The following TENM2 variants were observed in gnomAD, a reference collection of about 807,000 sequenced individuals.
The protein encoded by TENM2 is teneurin transmembrane protein 2.
A neutral mutation model predicts 245.2 loss-of-function variants in TENM2; 52 were observed. The ratio of observed to expected loss-of-function variants is 0.21; its 90% CI spans 0.17 to 0.27. The LOEUF (loss-of-function observed/expected upper bound fraction) is 0.27. Ranked by LOEUF, TENM2 falls within the 10% of genes least tolerant of loss-of-function variation. TENM2 has a pLI of 1.00. For synonymous variants in TENM2, 1,363 were observed against 1,438.9 expected, an observed-to-expected ratio of 0.95 and a Z score of 1.19; for missense variants, 3,046 against 3,666.8, an observed-to-expected ratio of 0.83 and a Z score of 4.37.
At chr5:167,228,493 C>A in the TENM2 span, among the ~76,000 whole-genome samples, 3 of 151,660 alleles carry the variant, frequency 2.0e-5, no homozygotes, top group Non-Finnish European at 4.4e-5. Context: ...TCTGTGATTT[C>A]TTTGTATTGT....
At position 168,215,021 on chromosome 5, in the gene TENM2, T is replaced by C. The variant is rs1478588426; in HGVS notation, c.3846-19T>C. 6.2e-7 allele frequency: 1 copy of C among 1,611,116 alleles called. No individual in the cohort carries two copies. Reference sequence around the variant, plus strand: ...CCATAGCCCCCTCCTCATTTCTCTTTGTGCTTCTTCTACTAAAGCAACAAC... The same window carrying C: ...CCATAGCCCCCTCCTCATTTCTCTTCGTGCTTCTTCTACTAAAGCAACAAC... On this transcript the variant is annotated intron_variant, in intron 20 of 28. Transcript: ENST00000518659.
At chr5:168,125,574 C>T (rs1795788609) in intron 11 of TENM2, among the ~76,000 whole-genome samples, 1 of 152,106 alleles carries the variant, frequency 6.6e-6, no homozygotes, top group Admixed American at 6.5e-5. Flanking sequence ...AAGCCAGTCC[C>T]AACCTTCCTG....
chr5:167,484,394 C>T (rs1409619772), intron 2 of TENM2, among the ~76,000 whole-genome samples: 3 of 151,998 alleles, frequency 2.0e-5, no homozygotes, highest in Non-Finnish European at 4.4e-5. Context: ...TAATCTTGGG[C>T]ACAGCGCTGT....
In TENM2 at chr5:167,574,954, A is replaced by G. The variant is rs563410465; in HGVS notation, c.502+199481A>G. ...AGGCTCATATCTATTTTAACATTGA[A>G]CAAACACAAAATGCATGATCTCCCA... is the stretch of plus-strand genomic sequence containing the variant. On this transcript the variant is annotated intron_variant, in intron 2 of 28. Transcript: ENST00000518659. Among the ~76,000 whole-genome samples, 13 of 152,258 alleles carry G rather than the reference A, an allele frequency of 8.5e-5. No individual in the cohort carries two copies. The Middle Eastern group carries it at 0.01, about 120-fold the overall frequency.
intron 2 of TENM2, among the ~76,000 whole-genome samples, chr5:167,412,868 T>G (rs1762979861): frequency 8.4e-6 from 1 of 119,332 alleles, no homozygotes; most frequent in Non-Finnish European, 1.9e-5. Flanking sequence ...TGAAAATATG[T>G]CATCGAAAGC....
chr5:167,906,928 C>A (rs1004093261), intron 3 of TENM2, among the ~76,000 whole-genome samples: 5 of 152,098 alleles, frequency 3.3e-5, no homozygotes, highest in African/African-American at 1.2e-4. Flanking sequence ...ATGCAGCAGA[C>A]GACATCTAAA....
the TENM2 span, among the ~76,000 whole-genome samples, chr5:167,041,486 C>A: frequency 6.6e-6 from 1 of 152,146 alleles, no homozygotes; most frequent in African/African-American, 2.4e-5. Flanking sequence ...TTCACCCTGA[C>A]CACGAAGTGT....
chr5:167,574,865 A>T (rs1037565064), intron 2 of TENM2, among the ~76,000 whole-genome samples: 1 of 152,134 alleles, frequency 6.6e-6, no homozygotes, highest in Admixed American at 6.5e-5. Context: ...TTTGTGTGCT[A>T]TGAGAGTTGT....
intron 2 of TENM2, among the ~76,000 whole-genome samples, chr5:167,834,994 A>G (rs889091287): frequency 2.0e-5 from 3 of 152,158 alleles, no homozygotes; most frequent in African/African-American, 7.2e-5. Flanking sequence ...TGTTGGAGAG[A>G]AAGATGTTAT....
At chr5:167,924,134 A>T (rs1200200768) in intron 3 of TENM2, among the ~76,000 whole-genome samples, 1 of 152,168 alleles carries the variant, frequency 6.6e-6, no homozygotes, top group Non-Finnish European at 1.5e-5. Flanking sequence ...TAGCTCAGGG[A>T]TCTGGTTGCA....
At chr5:167,746,714 A>AGAGAGC (rs1761608904) in intron 2 of TENM2, among the ~76,000 whole-genome samples, 4 of 149,700 alleles carry the variant, frequency 2.7e-5, no homozygotes, top group Admixed American at 1.3e-4. Flanking sequence ...AGAGAGAGAG[A>AGAGAGC]GCTGGACTCT....
At chr5:167,588,343 A>G (rs1256621294) in intron 2 of TENM2, among the ~76,000 whole-genome samples, 1 of 152,222 alleles carries the variant, frequency 6.6e-6, no homozygotes, top group African/African-American at 2.4e-5. Context: ...TGCATTGAAT[A>G]TTCGTGCATC....
At chr5:167,631,306 T>G (rs1561619186) in intron 2 of TENM2, among the ~76,000 whole-genome samples, 1 of 152,160 alleles carries the variant, frequency 6.6e-6, no homozygotes, top group Non-Finnish European at 1.5e-5. Flanking sequence ...GCAGATGGTC[T>G]GGGTACAGCA....
At chr5:167,318,518 G>A (rs1182462224) in intron 1 of TENM2, among the ~76,000 whole-genome samples, 1 of 151,720 alleles carries the variant, frequency 6.6e-6, no homozygotes, top group African/African-American at 2.4e-5. Flanking sequence ...AGTGATTAAA[G>A]CATCTTCTTT....
chr5:167,833,841 A>G (rs1025800315), intron 2 of TENM2, among the ~76,000 whole-genome samples: 7 of 152,148 alleles, frequency 4.6e-5, no homozygotes, highest in African/African-American at 1.7e-4. Context: ...ATCTTTCCCA[A>G]TTCCAGATGA....
chr5:167,441,851 A>T (rs900473731), intron 2 of TENM2, among the ~76,000 whole-genome samples: 2 of 152,164 alleles, frequency 1.3e-5, no homozygotes, highest in Non-Finnish European at 2.9e-5. Flanking sequence ...TCTTGGAAGG[A>T]TGTGCAACTA....
intron 2 of TENM2, among the ~76,000 whole-genome samples, chr5:167,552,522 C>A (rs370879967): frequency 1.3e-5 from 2 of 152,092 alleles, no homozygotes; most frequent in Non-Finnish European, 2.9e-5. Flanking sequence ...TCCCATCCTT[C>A]CCCCCAACCC....
intron 2 of TENM2, chr5:167,755,025 G>A (rs760472665): frequency 7.6e-6 from 12 of 1,586,518 alleles, no homozygotes; most frequent in East Asian, 2.2e-5. Flanking sequence ...AACACAAAAC[G>A]AAGAGCGGCC....
intron 2 of TENM2, among the ~76,000 whole-genome samples, chr5:167,558,266 G>A (rs1402022654): frequency 6.6e-6 from 1 of 152,218 alleles, no homozygotes; most frequent in African/African-American, 2.4e-5. Context: ...CAAGGCTGAG[G>A]TAGGCTTTGT....
Sources: gnomAD v4.1 joint callset for allele counts (sites outside exome capture counted in the v4.1 genomes callset) on GRCh38, gnomAD v4.1.1 for gene constraint, MANE v1.5 for transcripts, NCBI Gene and HGNC (gene_info 2026-07-23, HGNC 2026-07-21) for gene names.